Variants in PDCD7 observed in about 807,000 individuals in gnomAD.
PDCD7 encodes programmed cell death 7.
Under a neutral mutation model 42.1 loss-of-function variants are expected in PDCD7, and 40 were observed. That is an observed-to-expected ratio of 0.95 (90% CI 0.74 to 1.24). The LOEUF (loss-of-function observed/expected upper bound fraction) is 1.24, where lower values mean the gene tolerates loss of function less well. Among genes scored for constraint, PDCD7 ranks in the 50% most tolerant of loss-of-function variants. The pLI, the probability that PDCD7 is intolerant of heterozygous loss-of-function variation, is 0.00. For synonymous variants in PDCD7, 299 were observed against 303.3 expected (o/e 0.99, Z 0.15); for missense variants, 644 against 662.8 (o/e 0.97, Z 0.31).
intron 2 of PDCD7, among the ~76,000 whole-genome samples, chr15:65,123,414 C>T (rs2087472748): frequency 6.6e-6 from 1 of 152,140 alleles, no homozygotes; most frequent in Non-Finnish European, 1.5e-5. Flanking sequence ...TCTTGATCTC[C>T]TGACCTCATG....
intron 2 of PDCD7, 38 bp from the exon 3 acceptor site, chr15:65,119,992 T>C: frequency 3.2e-6 from 5 of 1,582,992 alleles, no homozygotes; most frequent in Non-Finnish European, 3.4e-6. Context: ...TATTTATTTT[T>C]TTTTTTGAGA....
intron 2 of PDCD7, among the ~76,000 whole-genome samples, chr15:65,122,804 C>T (rs570674561): frequency 3.1e-4 from 47 of 152,140 alleles, no homozygotes; most frequent in African/African-American, 1.1e-3. Flanking sequence ...GAGTTTGAGA[C>T]CAGCCTGGCC....
At chr15:65,121,894 G>A (rs2087457727) in intron 2 of PDCD7, among the ~76,000 whole-genome samples, 2 of 152,164 alleles carry the variant, frequency 1.3e-5, no homozygotes, top group Non-Finnish European at 2.9e-5. Flanking sequence ...GAATATTTGA[G>A]TGGACTGCAA....
intron 3 of PDCD7, 110 bp downstream of exon 3, chr15:65,119,608 T>A (rs763083522): frequency 7.9e-7 from 1 of 1,271,140 alleles, no homozygotes; most frequent in South Asian, 1.3e-5. Flanking sequence ...CAGAATTGCA[T>A]CTGGAAGGTG....
intron 2 of PDCD7, among the ~76,000 whole-genome samples, chr15:65,125,940 T>C (rs2087492416): frequency 2.0e-5 from 3 of 152,154 alleles, no homozygotes; most frequent in Admixed American, 2.0e-4. Flanking sequence ...TGGTGACAGG[T>C]AAAGAGGGCG....
At chr15:65,123,249 G>A (rs1332967834) in intron 2 of PDCD7, among the ~76,000 whole-genome samples, 4 of 152,164 alleles carry the variant, frequency 2.6e-5, no homozygotes, top group Non-Finnish European at 5.9e-5. Flanking sequence ...GTACAGTGGC[G>A]CGATCTCACC....
intron 2 of PDCD7, 99 bp downstream of exon 2, chr15:65,128,933 G>A: frequency 1.5e-6 from 2 of 1,369,384 alleles, no homozygotes. Flanking sequence ...TGAAAATCAT[G>A]AAGTTTCAAG....
In PDCD7 at chr15:65,133,736, G is replaced by T. The variant is rs758396887; in HGVS notation, c.46C>A (p.Pro16Thr). Residue 16 changes from proline to threonine, a missense_variant, in exon 1 of 5, where the codon CCC becomes ACC. Transcript: ENST00000204549. ...FFGQGRPGPP[P>T]PQPPPPAPFG... ...GGAGCAGGAGGCGGCGGCTGCGGGG[G>T]CGGTGGGCCTGGGCGACCCTGGCCG... 1.1e-5 allele frequency: 15 copies of T among 1,318,594 alleles called. No individual in the cohort carries two copies. Among genetic ancestry groups the T allele is most frequent in the Non-Finnish European group, 1.5e-5 (15 of 1,030,008 alleles). 81.7% of individuals were successfully genotyped at this position (1,318,594 alleles called of 1,614,324 possible). A position where few individuals can be genotyped will look rare whatever the true frequency, so the allele number is the denominator to read the frequency against.
At chr15:65,132,091 CATATATGTATGTGTATATAT>C (rs2087544219) in intron 1 of PDCD7, among the ~76,000 whole-genome samples, 1 of 131,778 alleles carries the variant, frequency 7.6e-6, no homozygotes, top group Non-Finnish European at 1.6e-5. Context: ...TATACACATA[CATATATGTATGTGTATATAT>C]ATGTATGTAT....
chr15:65,118,012 C>T lies in PDCD7; in HGVS notation c.*705G>A, dbSNP rs2087421369. The T allele has an allele frequency of 6.6e-6, 1 of 152,100 alleles. No individual in the cohort carries two copies. Among genetic ancestry groups the T allele is most frequent in the Non-Finnish European group, 1.5e-5 (1 of 68,018 alleles). The allele number at this position is 152,100 out of a possible 1,614,324, so 9.4% of individuals were successfully genotyped here. On this transcript the variant is annotated 3_prime_UTR_variant, in exon 5 of 5. Coordinates refer to ENST00000204549, the MANE Select transcript of PDCD7 (RefSeq NM_005707.2). ...TAGACCCTTAGAAACTTAAAAATAA[C>T]AGGTGCTTTCATTAGGATCCTTCTA... is the stretch of plus-strand genomic sequence containing the variant.
chr15:65,120,882 G>A (rs2087448139), intron 2 of PDCD7, among the ~76,000 whole-genome samples: 1 of 151,970 alleles, frequency 6.6e-6, no homozygotes, highest in African/African-American at 2.4e-5. Context: ...GTTATAATGA[G>A]GAAGTTTAAA....
chr15:65,126,364 AT>A (rs1305142175), intron 2 of PDCD7, among the ~76,000 whole-genome samples: 2 of 152,076 alleles, frequency 1.3e-5, no homozygotes, highest in Non-Finnish European at 2.9e-5. Flanking sequence ...ATGAACTCTT[AT>A]CCAGGATGTA....
Position 65,118,710 on chromosome 15 carries a change from A to C in PDCD7, c.*7T>G. 1 of 1,599,356 alleles carries C rather than the reference A, an allele frequency of 6.3e-7. No homozygotes were observed. On this transcript the variant is annotated 3_prime_UTR_variant, in exon 5 of 5. Coordinates refer to ENST00000204549, the MANE Select transcript of PDCD7 (RefSeq NM_005707.2). ...GCTGGCTGGACCACACTCCTGGAGC[A>C]TCTTTACTAATGCAGCTTAACAGCA... is the stretch of plus-strand genomic sequence containing the variant.
intron 2 of PDCD7, among the ~76,000 whole-genome samples, chr15:65,125,726 C>T (rs957624420): frequency 3.3e-5 from 5 of 152,126 alleles, no homozygotes; most frequent in Middle Eastern, 3.2e-3. Context: ...ATCATTACTC[C>T]CTTTTTGCAG....
In PDCD7 at chr15:65,132,986, G is replaced by C. The variant is rs749299503; in HGVS notation, c.796C>G (p.Arg266Gly). 56 of 1,605,250 alleles carry C rather than the reference G, an allele frequency of 3.5e-5. No individual in the cohort carries two copies. The highest frequency in any genetic ancestry group is 4.3e-5 in the Non-Finnish European group (51 of 1,179,722). ...REAEREAEAA[R>G]AVEREQEIDR... ...ATCTCCTGCTCGCGTTCCACTGCCC[G>C]CGCGGCCTCTGCCTCCCGCTCGGCC... Residue 266 changes from arginine to glycine, a missense_variant, in exon 1 of 5, where the codon CGG (arginine) becomes GGG (glycine). Coordinates refer to ENST00000204549, the MANE Select transcript of PDCD7 (RefSeq NM_005707.2).
rs565264906 is a variant in PDCD7, at chr15:65,124,639, A to T, written c.1009+4393T>A. Among the ~76,000 whole-genome samples, 118 of 151,922 alleles carry T rather than the reference A, an allele frequency of 7.8e-4. 3 individuals are homozygous for T. In the South Asian group the frequency reaches 0.024, roughly 31 times the overall value. ...GTGGACCTTGGCATTATCAGAAAAA[A>T]CTTTCTGCCTCTTAAATCTTAAACT... On this transcript the variant is annotated intron_variant, in intron 2 of 4. Transcript: ENST00000204549.
At chr15:65,119,652 C>T in intron 3 of PDCD7, 66 bp downstream of exon 3, 1 of 1,514,772 alleles carries the variant, frequency 6.6e-7, no homozygotes, top group African/African-American at 1.4e-5. Flanking sequence ...AGCTTGAGAT[C>T]ACCCGTGATG....
chr15:65,122,453 G>A (rs1270652862), intron 2 of PDCD7, among the ~76,000 whole-genome samples: 1 of 151,346 alleles, frequency 6.6e-6, no homozygotes, highest in Non-Finnish European at 1.5e-5. Flanking sequence ...AGGTCTTTTT[G>A]TCCATGTATT....
intron 2 of PDCD7, among the ~76,000 whole-genome samples, chr15:65,125,306 C>T (rs1178042146): frequency 6.6e-6 from 1 of 152,148 alleles, no homozygotes; most frequent in East Asian, 1.9e-4. Context: ...CTACTCACTC[C>T]TCTCAGCAAT....
Sources: gnomAD v4.1 joint callset for allele counts (sites outside exome capture counted in the v4.1 genomes callset) on GRCh38, gnomAD v4.1.1 for gene constraint, MANE v1.5 for transcripts, NCBI Gene and HGNC (gene_info 2026-07-23, HGNC 2026-07-21) for gene names.